Variants in ZNF341 observed in about 807,000 individuals in gnomAD.
The protein encoded by ZNF341 is zinc finger protein 341.
In ZNF341, 52 loss-of-function variants were observed where a neutral mutation model predicts 87.7. That is an observed-to-expected ratio of 0.59 (90% confidence interval 0.47 to 0.75). The LOEUF (loss-of-function observed/expected upper bound fraction) is 0.75. Among genes scored for constraint, ZNF341 ranks in the 30% least tolerant of loss-of-function variants. The probability of loss-of-function intolerance (pLI) is 0.00; values close to 1 mark genes in which losing one functional copy is unlikely to be tolerated. For missense variants in ZNF341, 977 were observed against 1,145.9 expected (o/e 0.85, Z 2.13); for synonymous variants, 459 against 472.7 (o/e 0.97, Z 0.38).
chr20:33,762,414 A>G (rs1428226226), intron 8 of ZNF341, among the ~76,000 whole-genome samples: 5 of 152,102 alleles, frequency 3.3e-5, no homozygotes, highest in African/African-American at 1.2e-4. Context: ...CATGGAAAGC[A>G]AAACTGCAAG....
chr20:33,775,554 A>T (rs1408260921), intron 10 of ZNF341, among the ~76,000 whole-genome samples: 10 of 149,082 alleles, frequency 6.7e-5, no homozygotes, highest in Admixed American at 6.1e-4. Flanking sequence ...CAAAAACTAT[A>T]TGTATACAGT....
intron 8 of ZNF341, among the ~76,000 whole-genome samples, chr20:33,766,083 C>G (rs1051499720): frequency 4.6e-5 from 7 of 151,914 alleles, no homozygotes; most frequent in African/African-American, 1.5e-4. Context: ...CGGGGTTTCA[C>G]CATGTTGGCC....
At chr20:33,770,332 G>T in intron 10 of ZNF341, 40 bp downstream of exon 10, 3 of 1,479,236 alleles carry the variant, frequency 2.0e-6, no homozygotes, top group East Asian at 2.3e-5. Flanking sequence ...GTGGACGGGT[G>T]GGTGGGCAGG....
At chr20:33,749,280 A>G (rs1472849190) in intron 4 of ZNF341, among the ~76,000 whole-genome samples, 1 of 152,062 alleles carries the variant, frequency 6.6e-6, no homozygotes, top group Non-Finnish European at 1.5e-5. Flanking sequence ...GGCTTTGTCA[A>G]TACAGTGCAG....
chr20:33,740,155 C>T (rs577006608), intron 1 of ZNF341, among the ~76,000 whole-genome samples: 29 of 152,282 alleles, frequency 1.9e-4, no homozygotes, highest in Middle Eastern at 3.4e-3. Context: ...TGAGCCACTG[C>T]GCCTGGCTCC....
intron 10 of ZNF341, among the ~76,000 whole-genome samples, chr20:33,773,121 G>A (rs779403323): frequency 9.2e-5 from 14 of 152,318 alleles, no homozygotes; most frequent in South Asian, 2.1e-4. Context: ...TGCCTTTAGT[G>A]ACATGAATCC....
intron 10 of ZNF341, among the ~76,000 whole-genome samples, chr20:33,776,482 G>T (rs940060370): frequency 6.6e-6 from 1 of 151,824 alleles, no homozygotes; most frequent in Non-Finnish European, 1.5e-5. Context: ...TCGCCTCCGG[G>T]GCTCAAGCAA....
chr20:33,785,085 G>A (rs970034983), intron 12 of ZNF341, among the ~76,000 whole-genome samples: 1 of 151,992 alleles, frequency 6.6e-6, no homozygotes, highest in Non-Finnish European at 1.5e-5. Flanking sequence ...TTTTTTAATT[G>A]CTTTTTAATT....
At chr20:33,790,704 C>G (rs969189340) in intron 14 of ZNF341, among the ~76,000 whole-genome samples, 1 of 152,150 alleles carries the variant, frequency 6.6e-6, no homozygotes, top group Non-Finnish European at 1.5e-5. Context: ...CTGAGATGAC[C>G]TGGCAAAGCG....
At chr20:33,759,495 G>C (rs2019249645) in intron 7 of ZNF341, among the ~76,000 whole-genome samples, 1 of 152,094 alleles carries the variant, frequency 6.6e-6, no homozygotes, top group African/African-American at 2.4e-5. Flanking sequence ...TGTTGGTCAG[G>C]CTGGTCTTGA....
In ZNF341 at chr20:33,761,961, T is replaced by G; in HGVS notation, c.1128T>G (p.Pro376=). 1 of 1,609,252 alleles carries G rather than the reference T, an allele frequency of 6.2e-7. No homozygotes were observed. The highest frequency in any genetic ancestry group is 8.5e-7 in the Non-Finnish European group (1 of 1,176,608). ...KKHMQTHKVW[P]PGHSGGTVSR... ...ACATGCAGACCCACAAGGTGTGGCCTCCAGGACACAGTGGTGGCACCGTGT... is the reference window on the plus strand; with the variant it reads ...ACATGCAGACCCACAAGGTGTGGCCGCCAGGACACAGTGGTGGCACCGTGT... The change falls in exon 8 of 15, where the codon CCT becomes CCG. Residue 376 remains proline (P), a synonymous_variant. Coordinates refer to ENST00000375200, the MANE Select transcript of ZNF341 (RefSeq NM_001282933.2).
chr20:33,787,936 C>T (rs1305986795), intron 12 of ZNF341: 1 of 152,330 alleles, frequency 6.6e-6, no homozygotes, highest in African/African-American at 2.4e-5. Flanking sequence ...GACTCCTCTC[C>T]TCCTCTCACA....
Position 33,783,806 on chromosome 20 carries a change from G to A in ZNF341, c.1794G>A (p.Val598=), listed in dbSNP as rs1393776438. The part of the protein sequence containing the change: ...HGSGGRFKCQ[V]CKKFFRREHY... ...GCGGGGGCAGGTTCAAGTGCCAAGT[G>A]TGCAAGAAGTTCTTCCGGCGGGAGC... The change falls in exon 12 of 15, where the codon GTG becomes GTA. Residue 598 remains valine (V), a synonymous_variant. Coordinates refer to ENST00000375200, the MANE Select transcript of ZNF341 (RefSeq NM_001282933.2). The A allele has an allele frequency of 1.9e-6, 3 of 1,613,770 alleles. No homozygotes were observed. The highest frequency in any genetic ancestry group is 3.3e-5 in the Admixed American group (2 of 59,992).
At chr20:33,781,075 G>T (rs908353189) in intron 10 of ZNF341, among the ~76,000 whole-genome samples, 1 of 152,098 alleles carries the variant, frequency 6.6e-6, no homozygotes, top group African/African-American at 2.4e-5. Flanking sequence ...GGCAAGGCAG[G>T]GGCAGGGTGG....
At chr20:33,756,657 C>G (rs1254738644) in intron 5 of ZNF341, among the ~76,000 whole-genome samples, 1 of 152,120 alleles carries the variant, frequency 6.6e-6, no homozygotes, top group African/African-American at 2.4e-5. Flanking sequence ...TGTGAGCCAC[C>G]AGGCTCAGCC....
At chr20:33,744,820 G>A (rs1355968097) in intron 2 of ZNF341, among the ~76,000 whole-genome samples, 3 of 152,118 alleles carry the variant, frequency 2.0e-5, no homozygotes, top group African/African-American at 7.2e-5. Context: ...TTGAACTCCT[G>A]ACCTCAGGTG....
At chr20:33,748,408 A>G (rs1316355823) in intron 3 of ZNF341, among the ~76,000 whole-genome samples, 6 of 152,084 alleles carry the variant, frequency 3.9e-5, no homozygotes, top group Admixed American at 3.9e-4. Flanking sequence ...TAGGGTATGT[A>G]CTTTGCAGAG....
chr20:33,747,614 CAAAAAAAAAAAAAAAA>C (rs773781002), intron 3 of ZNF341, among the ~76,000 whole-genome samples: 2 of 15,624 alleles, frequency 1.3e-4, no homozygotes, highest in African/African-American at 8.2e-4. Context: ...GACTCCGTCT[CAAAAAAAAAAAAAAAA>C]AAAAAAAAAA....
intron 10 of ZNF341, among the ~76,000 whole-genome samples, chr20:33,772,533 C>G (rs767129127): frequency 2.6e-5 from 4 of 152,052 alleles, no homozygotes; most frequent in Non-Finnish European, 4.4e-5. Context: ...AAAATGCTAT[C>G]ATATATGTTT....
Sources: allele counts gnomAD v4.1 joint callset (sites outside exome capture counted in the v4.1 genomes callset), GRCh38; gene constraint gnomAD v4.1.1; transcripts MANE v1.5; gene names NCBI Gene and HGNC (gene_info 2026-07-23, HGNC 2026-07-21).